Variants in KCNC2 observed in about 807,000 individuals in gnomAD.
The protein encoded by KCNC2 is voltage-gated potassium channel KCNC2.
In KCNC2, 21 loss-of-function variants were observed where a neutral mutation model predicts 44.5. The observed-to-expected ratio is 0.47, with a 90% CI of 0.33 to 0.68. The LOEUF (loss-of-function observed/expected upper bound fraction) is 0.68. Among genes scored for constraint, KCNC2 ranks in the 30% least tolerant of loss-of-function variants. The pLI is 0.01. For synonymous variants in KCNC2, 391 were observed against 339.1 expected, an observed-to-expected ratio of 1.15 and a Z score of -1.68; for missense variants, 589 against 826.2, an observed-to-expected ratio of 0.71 and a Z score of 3.52.
intron 2 of KCNC2, among the ~76,000 whole-genome samples, chr12:75,191,449 A>C (rs1188147442): frequency 6.7e-6 from 1 of 149,060 alleles, no homozygotes; most frequent in African/African-American, 2.4e-5. Context: ...TAATTTAACT[A>C]TAAAGACACC....
chr12:75,167,022 A>G (rs1891502720), intron 2 of KCNC2, among the ~76,000 whole-genome samples: 1 of 151,316 alleles, frequency 6.6e-6, no homozygotes, highest in Non-Finnish European at 1.5e-5. Flanking sequence ...AGATTAACAA[A>G]ACACACAAGC....
chr12:75,101,091 C>T (rs766588426), intron 2 of KCNC2, among the ~76,000 whole-genome samples: 1 of 152,048 alleles, frequency 6.6e-6, no homozygotes, highest in Non-Finnish European at 1.5e-5. Flanking sequence ...GGACATGAGA[C>T]TTTTTCACAC....
intron 2 of KCNC2, among the ~76,000 whole-genome samples, chr12:75,063,263 A>C (rs1293833167): frequency 6.6e-6 from 1 of 152,096 alleles, no homozygotes; most frequent in Non-Finnish European, 1.5e-5. Context: ...TTACATATGT[A>C]AAAATTTCCT....
Position 75,182,535 on chromosome 12 carries a change from A to C in KCNC2, c.687+24762T>G, listed in dbSNP as rs1252938845. Among the ~76,000 whole-genome samples, 11 of 138,122 alleles carry C rather than the reference A, an allele frequency of 8.0e-5. No homozygotes were observed. The East Asian group carries it at 2.3e-3, about 29-fold the overall frequency. The allele number at this position is 138,122 out of a possible 152,430, so 90.6% of individuals were successfully genotyped here. A position where few individuals can be genotyped will look rare whatever the true frequency, so the allele number is the denominator to read the frequency against. ...GATTCCGTCTCAAAAAAAAAAAAAA[A>C]AACAAAAAAAACAAAAAAAAACAAA... On this transcript the variant is annotated intron_variant, in intron 2 of 4. Transcript: ENST00000549446.
chr12:75,130,411 C>T (rs866033122), intron 2 of KCNC2, among the ~76,000 whole-genome samples: 20 of 152,240 alleles, frequency 1.3e-4, no homozygotes, highest in Middle Eastern at 6.8e-3. Context: ...TTATCTCTCT[C>T]ATCCCAGGGC....
chr12:75,087,563 C>A (rs944776030), intron 2 of KCNC2, among the ~76,000 whole-genome samples: 3 of 151,984 alleles, frequency 2.0e-5, no homozygotes, highest in Admixed American at 1.3e-4. Context: ...GAGTCGTGAC[C>A]TTTATCAGTC....
At chr12:75,074,827 G>A (rs1035398171) in intron 2 of KCNC2, among the ~76,000 whole-genome samples, 4 of 152,178 alleles carry the variant, frequency 2.6e-5, no homozygotes, top group African/African-American at 9.7e-5. Context: ...GCAAGTAAGT[G>A]AATGCTATAA....
At chr12:75,208,785 C>T (rs1395441607) in intron 1 of KCNC2, among the ~76,000 whole-genome samples, 1 of 152,126 alleles carries the variant, frequency 6.6e-6, no homozygotes, top group Non-Finnish European at 1.5e-5. Context: ...AGACCTCTGA[C>T]TTATTTCCTC....
In KCNC2 at chr12:75,073,847, G is replaced by A. The variant is rs1432045628; in HGVS notation, c.688-22530C>T. Among the ~76,000 whole-genome samples, 3 of 152,132 alleles carry A rather than the reference G, an allele frequency of 2.0e-5. No individual in the cohort carries two copies. The East Asian group carries it at 5.8e-4, about 29-fold the overall frequency. On this transcript the variant is annotated intron_variant, in intron 2 of 4. Coordinates refer to ENST00000549446, the MANE Select transcript of KCNC2 (RefSeq NM_139137.4). ...CTCAATTTATAATTTTTAACTCAAT[G>A]AATCCAAATAAAACTAGATATATAT...
chr12:75,125,968 A>G (rs1888391441), intron 2 of KCNC2, among the ~76,000 whole-genome samples: 1 of 152,184 alleles, frequency 6.6e-6, no homozygotes, highest in African/African-American at 2.4e-5. Context: ...AATTTAATAT[A>G]TATTATCTCA....
At chr12:75,046,306 G>A (rs1880503104) in intron 4 of KCNC2, among the ~76,000 whole-genome samples, 2 of 151,646 alleles carry the variant, frequency 1.3e-5, no homozygotes, top group Admixed American at 6.6e-5. Flanking sequence ...TGCTTTGCTT[G>A]CAAAACTTTG....
At chr12:75,117,462 C>T (rs145896072) in intron 2 of KCNC2, among the ~76,000 whole-genome samples, 3 of 152,132 alleles carry the variant, frequency 2.0e-5, no homozygotes, top group East Asian at 1.9e-4. Flanking sequence ...TGGGTAGTCT[C>T]GAAGAGTCCA....
At position 75,083,651 on chromosome 12, in the gene KCNC2, T is replaced by C. The variant is rs530285547; in HGVS notation, c.688-32334A>G. 3.1e-3 allele frequency among the ~76,000 whole-genome samples: 471 copies of C among 152,044 alleles called. 6 individuals are homozygous for C. The highest frequency in any genetic ancestry group is 2.6e-3 in the Non-Finnish European group (177 of 67,896). On this transcript the variant is annotated intron_variant, in intron 2 of 4. Coordinates refer to ENST00000549446, the MANE Select transcript of KCNC2 (RefSeq NM_139137.4). Reference sequence around the variant, plus strand: ...TTGAATAGAGAATCTGATGATATCATAAAATCTATAGTTTATATAAGCAAG... The same window carrying C: ...TTGAATAGAGAATCTGATGATATCACAAAATCTATAGTTTATATAAGCAAG...
chr12:75,108,747 G>A (rs1229753357), intron 2 of KCNC2, among the ~76,000 whole-genome samples: 5 of 152,090 alleles, frequency 3.3e-5, no homozygotes, highest in African/African-American at 4.8e-5. Flanking sequence ...CATGAATCCC[G>A]TGTGGTAGTT....
intron 2 of KCNC2, among the ~76,000 whole-genome samples, chr12:75,091,231 G>T (rs2137129605): frequency 6.6e-6 from 1 of 151,670 alleles, no homozygotes; most frequent in South Asian, 2.1e-4. Flanking sequence ...TTACTATAAT[G>T]CTCATCTCAA....
chr12:75,179,122 A>G (rs1024277287), intron 2 of KCNC2, among the ~76,000 whole-genome samples: 5 of 152,084 alleles, frequency 3.3e-5, no homozygotes, highest in African/African-American at 9.7e-5. Context: ...TTTCACCCAC[A>G]TGTTCCAAAA....
At chr12:75,139,145 T>C (rs560465937) in intron 2 of KCNC2, among the ~76,000 whole-genome samples, 35 of 152,230 alleles carry the variant, frequency 2.3e-4, no homozygotes, top group African/African-American at 8.2e-4. Context: ...ATAAATCACA[T>C]TATTTACTGT....
In KCNC2 at chr12:75,106,573, C is replaced by G. The variant is rs558755367; in HGVS notation, c.688-55256G>C. 9.9e-4 allele frequency among the ~76,000 whole-genome samples: 150 copies of G among 152,098 alleles called. 3 individuals are homozygous for G. Among genetic ancestry groups the G allele is most frequent in the Non-Finnish European group, 4.4e-4 (30 of 67,976 alleles). ...TTCATTCATAGAAATAGGAGAAAAT[C>G]AAAGGATGAAGGTATAGGTAATGGA... is the stretch of plus-strand genomic sequence containing the variant. On this transcript the variant is annotated intron_variant, in intron 2 of 4. Coordinates refer to ENST00000549446, the MANE Select transcript of KCNC2 (RefSeq NM_139137.4).
At chr12:75,094,291 AAT>A (rs1885737751) in intron 2 of KCNC2, among the ~76,000 whole-genome samples, 1 of 151,744 alleles carries the variant, frequency 6.6e-6, no homozygotes. Flanking sequence ...TTCATCAGCT[AAT>A]ATTTTAGAAA....
Sources: allele counts gnomAD v4.1 joint callset (sites outside exome capture counted in the v4.1 genomes callset), GRCh38; gene constraint gnomAD v4.1.1; transcripts MANE v1.5; gene names NCBI Gene and HGNC (gene_info 2026-07-23, HGNC 2026-07-21).